PTPRE: variants seen among roughly 807,000 people sequenced by gnomAD.
The protein encoded by PTPRE is protein tyrosine phosphatase receptor type E.
A neutral mutation model predicts 102.0 loss-of-function variants in PTPRE; 51 were observed. The observed-to-expected ratio is 0.50, with a 90% CI of 0.40 to 0.63. The LOEUF (loss-of-function observed/expected upper bound fraction) is 0.63, where lower values mean the gene tolerates loss of function less well. Ranked by LOEUF, PTPRE falls within the 30% of genes least tolerant of loss-of-function variation. The pLI is 0.00. For synonymous variants in PTPRE, 345 were observed against 348.2 expected, an observed-to-expected ratio of 0.99 and a Z score of 0.10; for missense variants, 752 against 915.1, an observed-to-expected ratio of 0.82 and a Z score of 2.30.
At chr10:128,064,936 C>T (rs1046559429) in intron 10 of PTPRE, among the ~76,000 whole-genome samples, 10 of 152,324 alleles carry the variant, frequency 6.6e-5, no homozygotes, top group Admixed American at 5.9e-4. Flanking sequence ...CAGCCACCAA[C>T]ACTGAGCCCT....
chr10:128,019,354 C>T (rs1845679911), intron 2 of PTPRE, among the ~76,000 whole-genome samples: 1 of 152,104 alleles, frequency 6.6e-6, no homozygotes, highest in African/African-American at 2.4e-5. Flanking sequence ...TAGGCTGACG[C>T]CCGGCACTCA....
chr10:128,028,350 C>A lies in PTPRE; in HGVS notation c.-7-12525C>A, dbSNP rs1846438789. ...GGGACTCGGGTCACACACAGCCACA[C>A]TCGGGGATTAGGACCTGAAGGATAT... is the stretch of plus-strand genomic sequence containing the variant. On this transcript the variant is annotated intron_variant, in intron 2 of 20. Transcript: ENST00000254667. The surrounding 1 kb of genome is among the most constrained non-coding windows in gnomAD (Gnocchi z 4.5). Among the ~76,000 whole-genome samples, 1 of 152,160 alleles carries A rather than the reference C, an allele frequency of 6.6e-6. No individual in the cohort carries two copies. Among genetic ancestry groups the A allele is most frequent in the Admixed American group, 6.5e-5 (1 of 15,276 alleles).
At chr10:128,019,794 G>A (rs61873755) in intron 2 of PTPRE, among the ~76,000 whole-genome samples, 8,967 of 152,282 alleles carry the variant, frequency 0.059, 391 homozygotes, top group Middle Eastern at 0.12. Flanking sequence ...AGGGTCCTGC[G>A]AGAGGTGTTG....
At chr10:128,039,866 C>G (rs183346833) in intron 2 of PTPRE, among the ~76,000 whole-genome samples, 329 of 152,292 alleles carry the variant, frequency 2.2e-3, no homozygotes, top group African/African-American at 7.7e-3. Context: ...TGCCCACCTG[C>G]ACCTGCCAGT....
chr10:127,937,361 A>C (rs1031050337), intron 1 of PTPRE, among the ~76,000 whole-genome samples: 10 of 152,198 alleles, frequency 6.6e-5, no homozygotes, highest in Admixed American at 4.6e-4. Context: ...TTGCAACTCC[A>C]CACTTGCCCA....
intron 10 of PTPRE, among the ~76,000 whole-genome samples, chr10:128,065,080 G>A (rs1752026707): frequency 6.6e-6 from 1 of 152,230 alleles, no homozygotes. Context: ...ATTCCCCTGG[G>A]CTGCATCAGA....
intron 1 of PTPRE, among the ~76,000 whole-genome samples, chr10:127,959,563 C>T (rs1289485267): frequency 6.6e-6 from 1 of 152,198 alleles, no homozygotes; most frequent in East Asian, 1.9e-4. Context: ...GGTGACCTTT[C>T]TGAATTTGCA....
chr10:128,071,634 G>A (rs1403956315), intron 15 of PTPRE: 1 of 155,686 alleles, frequency 6.4e-6, no homozygotes, highest in Admixed American at 6.4e-5. Flanking sequence ...TGGGAGGAGG[G>A]TGTGCCTCGT....
chr10:128,061,848 G>C (rs1039897773), intron 9 of PTPRE, 133 bp downstream of exon 9: 2 of 1,118,606 alleles, frequency 1.8e-6, no homozygotes, highest in African/African-American at 1.6e-5. Flanking sequence ...AGACACGTTA[G>C]ATATCCATTC....
Position 128,083,072 on chromosome 10 carries a change from T to C in PTPRE, c.*166T>C. 5.6e-6 allele frequency: 3 copies of C among 535,472 alleles called. No homozygotes were observed. The highest frequency in any genetic ancestry group is 8.7e-6 in the Non-Finnish European group (3 of 345,084). 33.2% of individuals were successfully genotyped at this position (535,472 alleles called of 1,614,324 possible). ...TACAGTTGTTAAATCTTAAATATGC[T>C]TTTTAAAAATTGGAATAATGTATTA... is the stretch of plus-strand genomic sequence containing the variant. On this transcript the variant is annotated 3_prime_UTR_variant, in exon 21 of 21. Transcript: ENST00000254667.
intron 1 of PTPRE, among the ~76,000 whole-genome samples, chr10:127,936,840 T>A (rs549815025): frequency 6.6e-6 from 1 of 152,246 alleles, no homozygotes; most frequent in South Asian, 2.1e-4. Flanking sequence ...AGTACCATCG[T>A]CCCCTGGAGG....
At position 128,082,812 on chromosome 10, in the gene PTPRE, G is replaced by A. The variant is rs940698670; in HGVS notation, c.2029-20G>A. 4 of 1,548,522 alleles carry A rather than the reference G, an allele frequency of 2.6e-6. No homozygotes were observed. The African/African-American group carries it at 5.7e-5, about 22-fold the overall frequency. Reference sequence around the variant, plus strand: ...ATTTTTGGGAATATCATTTTAATGTGTCCTTGTTTGTCTTTTCAGGAACAG... The same window carrying A: ...ATTTTTGGGAATATCATTTTAATGTATCCTTGTTTGTCTTTTCAGGAACAG... On this transcript the variant is annotated intron_variant, in intron 20 of 20. Transcript: ENST00000254667.
chr10:128,016,137 C>T (rs1233595681), intron 2 of PTPRE, among the ~76,000 whole-genome samples: 1 of 152,144 alleles, frequency 6.6e-6, no homozygotes, highest in Non-Finnish European at 1.5e-5. Flanking sequence ...CTCCAGGGGA[C>T]CAGGGCATGG....
chr10:128,024,823 T>G (rs1846173252), intron 2 of PTPRE, among the ~76,000 whole-genome samples: 1 of 152,030 alleles, frequency 6.6e-6, no homozygotes, highest in Non-Finnish European at 1.5e-5. Flanking sequence ...TAAAGTTTGG[T>G]GTATAATCCA....
At chr10:127,964,235 T>C (rs1850062981) in intron 1 of PTPRE, among the ~76,000 whole-genome samples, 1 of 152,190 alleles carries the variant, frequency 6.6e-6, no homozygotes, top group Non-Finnish European at 1.5e-5. Context: ...ATTGGCATGA[T>C]CTTGGCTCAC....
chr10:128,082,191 CTT>C (rs1564982467), intron 20 of PTPRE, among the ~76,000 whole-genome samples: 1 of 55,392 alleles, frequency 1.8e-5, no homozygotes, highest in South Asian at 6.0e-4. Flanking sequence ...ATTTTTTTCT[CTT>C]TCTTTTTTTT....
rs144835853 is a variant in PTPRE, at chr10:128,040,971, C to A, written c.90C>A (p.Asn30Lys). 6.2e-7 allele frequency: 1 copy of A among 1,613,976 alleles called. No homozygotes were observed. The change falls in exon 3 of 21, where the codon AAC becomes AAA. Residue 30 changes from asparagine (N) to lysine (K), a missense_variant. By Grantham distance (94) the Asn-to-Lys change is moderately conservative. This residue lies in a region of PTPRE where 116 missense variants were observed against 90.8 expected (regional missense o/e 1.28). Transcript: ENST00000254667. ...LRGNETTADS[N>K]ETTTTSGPPD... ...GCAACGAGACCACTGCCGACAGCAACGAGACAACCACGACCTCAGGTAAGG... is the reference window on the plus strand; with the variant it reads ...GCAACGAGACCACTGCCGACAGCAAAGAGACAACCACGACCTCAGGTAAGG...
At chr10:127,965,409 A>C (rs1044096039) in intron 1 of PTPRE, among the ~76,000 whole-genome samples, 2 of 151,944 alleles carry the variant, frequency 1.3e-5, no homozygotes, top group Non-Finnish European at 2.9e-5. Flanking sequence ...ATATACATCC[A>C]TTCCACCTGG....
At chr10:128,064,912 A>AG (rs1849926997) in intron 10 of PTPRE, among the ~76,000 whole-genome samples, 1 of 152,096 alleles carries the variant, frequency 6.6e-6, no homozygotes, top group South Asian at 2.1e-4. Flanking sequence ...AGGCAGAGGG[A>AG]GGGGGTATAA....
Sources: allele counts gnomAD v4.1 joint callset (sites outside exome capture counted in the v4.1 genomes callset), GRCh38; gene constraint gnomAD v4.1.1; regional missense constraint gnomAD v4.1.1; non-coding constraint Gnocchi (gnomAD v3.1); transcripts MANE v1.5; gene names NCBI Gene and HGNC (gene_info 2026-07-23, HGNC 2026-07-21).